The following MAML3 variants were observed in gnomAD, a reference collection of about 807,000 sequenced individuals.
MAML3 encodes the protein mastermind like transcriptional coactivator 3, also known as mastermind-like protein 3.
MAML3 carries 27 observed loss-of-function variants against 101.9 expected under a neutral mutation model. The ratio of observed to expected loss-of-function variants is 0.27; its 90% CI spans 0.20 to 0.37. The LOEUF is 0.37. MAML3 is among the 10% of genes least tolerant of loss of function. The pLI is 1.00. For synonymous variants in MAML3, 501 were observed against 555.9 expected (o/e 0.90, Z 1.39); for missense variants, 1,316 against 1,444.9 (o/e 0.91, Z 1.45).
intron 2 of MAML3, among the ~76,000 whole-genome samples, chr4:139,733,741 G>A (rs867658805): frequency 2.0e-5 from 3 of 152,192 alleles, no homozygotes; most frequent in Non-Finnish European, 4.4e-5. Context: ...CTGGGGTGCA[G>A]TGGTATGATC....
rs2110944252 is a variant in MAML3 at position 139,717,263 on chromosome 4, CCT to C, written c.*2058_*2059del. 6.5e-6 allele frequency: 1 copy of C among 152,718 alleles called. No individual in the cohort carries two copies. Among genetic ancestry groups the C allele is most frequent in the South Asian group, 2.1e-4 (1 of 4,822 alleles). The allele number at this position is 152,718 out of a possible 1,614,324, so 9.5% of individuals were successfully genotyped here. ...TTAAAAGATAATGGAGCCCCCCACC[CCT>C]GTCTGTCTCACTTCCATTAGCCACC... On this transcript the variant is annotated 3_prime_UTR_variant, in exon 5 of 5. Transcript: ENST00000509479.
At chr4:139,873,720 T>C (rs1211837475) in intron 2 of MAML3, among the ~76,000 whole-genome samples, 1 of 152,090 alleles carries the variant, frequency 6.6e-6, no homozygotes, top group Non-Finnish European at 1.5e-5. Context: ...TCAGCAGCCA[T>C]GGGAGGGAGC....
intron 2 of MAML3, among the ~76,000 whole-genome samples, chr4:139,758,553 C>A (rs1213892581): frequency 6.6e-6 from 1 of 152,156 alleles, no homozygotes; most frequent in Non-Finnish European, 1.5e-5. Context: ...CCATTGTGGC[C>A]TTTTAGGGCC....
chr4:140,136,574 T>G (rs1234819479), intron 1 of MAML3, among the ~76,000 whole-genome samples: 2 of 152,232 alleles, frequency 1.3e-5, no homozygotes, highest in Non-Finnish European at 2.9e-5. Flanking sequence ...TACAAAATAA[T>G]GTACGATATT....
chr4:139,997,772 G>A (rs1241471326), intron 1 of MAML3, among the ~76,000 whole-genome samples: 1 of 151,684 alleles, frequency 6.6e-6, no homozygotes, highest in Admixed American at 6.6e-5. Context: ...TTAAATTCGG[G>A]ATGTCTTAAT....
At chr4:140,077,276 T>C (rs1381779111) in intron 1 of MAML3, among the ~76,000 whole-genome samples, 5 of 152,202 alleles carry the variant, frequency 3.3e-5, no homozygotes, top group Admixed American at 2.6e-4. Context: ...AGGAATCTTA[T>C]CAACATAACT....
chr4:140,072,885 C>T (rs778672694), intron 1 of MAML3, among the ~76,000 whole-genome samples: 22 of 152,106 alleles, frequency 1.4e-4, no homozygotes, highest in Non-Finnish European at 2.8e-4. Flanking sequence ...GTTGCCACTT[C>T]TTTGTCACTT....
At chr4:139,737,224 A>T (rs886237642) in intron 2 of MAML3, among the ~76,000 whole-genome samples, 1 of 152,220 alleles carries the variant, frequency 6.6e-6, no homozygotes, top group Non-Finnish European at 1.5e-5. Context: ...GAGTTCTTCA[A>T]ATATGAAGAA....
At chr4:140,114,327 G>A (rs953059805) in intron 1 of MAML3, among the ~76,000 whole-genome samples, 24 of 152,228 alleles carry the variant, frequency 1.6e-4, no homozygotes, top group African/African-American at 5.3e-4. Flanking sequence ...TGAATTTCCT[G>A]CAATCTCAAC....
At chr4:139,727,683 T>C (rs1301979014) in intron 3 of MAML3, among the ~76,000 whole-genome samples, 1 of 152,240 alleles carries the variant, frequency 6.6e-6, no homozygotes, top group Non-Finnish European at 1.5e-5. Context: ...TTTTGGAGAA[T>C]ACGGCATTAA....
Position 139,719,065 on chromosome 4 carries a change from C to G in MAML3, c.*258G>C, listed in dbSNP as rs746170794. 42 of 454,298 alleles carry G rather than the reference C, an allele frequency of 9.2e-5. No homozygotes were observed. Among genetic ancestry groups the G allele is most frequent in the Middle Eastern group, 5.8e-4 (1 of 1,724 alleles). 28.1% of individuals were successfully genotyped at this position (454,298 alleles called of 1,614,324 possible). A position where few individuals can be genotyped will look rare whatever the true frequency, so the allele number is the denominator to read the frequency against. On this transcript the variant is annotated 3_prime_UTR_variant, in exon 5 of 5. Coordinates refer to ENST00000509479, the MANE Select transcript of MAML3 (RefSeq NM_018717.5). Reference sequence around the variant, plus strand: ...GCTCTGGCCGGCTTCATCTTCCCACCTGCTCCTCCGGGTGTCTCCCTCTCT... The same window carrying G: ...GCTCTGGCCGGCTTCATCTTCCCACGTGCTCCTCCGGGTGTCTCCCTCTCT...
chr4:139,829,032 C>G (rs71606859), intron 2 of MAML3, among the ~76,000 whole-genome samples: 1 of 110,894 alleles, frequency 9.0e-6, no homozygotes, highest in Admixed American at 1.1e-4. Context: ...GACGGACGGA[C>G]GGACTAAGGG....
At chr4:139,795,786 ATAT>A (rs1293007794) in intron 2 of MAML3, among the ~76,000 whole-genome samples, 2 of 152,194 alleles carry the variant, frequency 1.3e-5, no homozygotes, top group African/African-American at 4.8e-5. Flanking sequence ...CGGTAGTACC[ATAT>A]TGTTGTGGAG....
chr4:139,919,516 G>A (rs1398325812), intron 1 of MAML3, among the ~76,000 whole-genome samples: 1 of 152,154 alleles, frequency 6.6e-6, no homozygotes, highest in African/African-American at 2.4e-5. Flanking sequence ...TCTTAGAAAG[G>A]AAAGCAAAGA....
intron 1 of MAML3, among the ~76,000 whole-genome samples, chr4:139,949,670 C>G (rs1334985542): frequency 6.6e-6 from 1 of 152,116 alleles, no homozygotes; most frequent in Non-Finnish European, 1.5e-5. Flanking sequence ...CTAAAAATAT[C>G]AATGTTGTCT....
intron 2 of MAML3, among the ~76,000 whole-genome samples, chr4:139,824,128 C>A (rs2111125601): frequency 6.6e-6 from 1 of 152,278 alleles, no homozygotes; most frequent in Middle Eastern, 3.4e-3. Context: ...TGACCATCGA[C>A]ACCCCACCCC....
chr4:139,953,671 CAGG>C lies in MAML3; in HGVS notation c.469-62707_469-62705del, dbSNP rs534992569. Among the ~76,000 whole-genome samples the C allele has an allele frequency of 5.8e-4, 88 of 152,288 alleles. No individual in the cohort carries two copies. The East Asian group carries it at 0.016, about 28-fold the overall frequency. On this transcript the variant is annotated intron_variant, in intron 1 of 4. Coordinates refer to ENST00000509479, the MANE Select transcript of MAML3 (RefSeq NM_018717.5). ...TAAAAGAATCCAGTTTTTAGATCAGCAGGAGAATGCTTATGCACACTACTACTA... is the reference window on the plus strand; with the variant it reads ...TAAAAGAATCCAGTTTTTAGATCAGCAGAATGCTTATGCACACTACTACTA...
At chr4:139,996,686 CGT>C (rs1553968137) in intron 1 of MAML3, among the ~76,000 whole-genome samples, 6 of 151,016 alleles carry the variant, frequency 4.0e-5, no homozygotes, top group African/African-American at 7.3e-5. Context: ...ATAGTTGTAT[CGT>C]GTGTGTGTGT....
chr4:139,798,040 GAAAGAAAGAAAGAA>G (rs1560797510), intron 2 of MAML3, among the ~76,000 whole-genome samples: 61 of 20,276 alleles, frequency 3.0e-3, no homozygotes, highest in African/African-American at 6.6e-3. Flanking sequence ...GAGAGAGAAA[GAAAGAAAGAAAGAA>G]AGAAAGAAAG....
Sources: allele counts gnomAD v4.1 joint callset (sites outside exome capture counted in the v4.1 genomes callset), GRCh38; gene constraint gnomAD v4.1.1; transcripts MANE v1.5; gene names NCBI Gene and HGNC (gene_info 2026-07-23, HGNC 2026-07-21).